The following PDGFC variants were observed in gnomAD, a reference collection of about 807,000 sequenced individuals.
PDGFC encodes the protein platelet-derived growth factor C.
PDGFC carries 12 observed loss-of-function variants against 35.5 expected under a neutral mutation model. The ratio of observed to expected loss-of-function variants is 0.34; its 90% CI spans 0.22 to 0.55. The LOEUF (loss-of-function observed/expected upper bound fraction) is 0.55, where lower values mean the gene tolerates loss of function less well. Ranked by LOEUF, PDGFC falls within the 20% of genes least tolerant of loss-of-function variation. The probability of loss-of-function intolerance (pLI) is 0.91; values close to 1 mark genes in which losing one functional copy is unlikely to be tolerated. For synonymous variants in PDGFC, 159 were observed against 148.8 expected (o/e 1.07, Z -0.50); for missense variants, 322 against 412.4 (o/e 0.78, Z 1.90).
chr4:156,932,503 A>C (rs937240583), intron 1 of PDGFC, among the ~76,000 whole-genome samples: 1 of 152,096 alleles, frequency 6.6e-6, no homozygotes, highest in African/African-American at 2.4e-5. Flanking sequence ...ACCCAAATGT[A>C]CAACAATGAT....
chr4:156,928,266 A>AT (rs989842678), intron 1 of PDGFC, among the ~76,000 whole-genome samples: 20 of 152,012 alleles, frequency 1.3e-4, no homozygotes, highest in Middle Eastern at 3.2e-3. Context: ...CGTCTATGTG[A>AT]TTTTTTTAAG....
intron 2 of PDGFC, among the ~76,000 whole-genome samples, chr4:156,829,071 GAGAAATTT>G (rs1424636988): frequency 1.3e-5 from 2 of 152,106 alleles, no homozygotes. Flanking sequence ...CTTCTATTAT[GAGAAATTT>G]AGAATTTGAG....
intron 2 of PDGFC, among the ~76,000 whole-genome samples, chr4:156,825,593 T>TACTAATAATAATAATAATAAG (rs1732436026): frequency 1.6e-5 from 1 of 62,186 alleles, no homozygotes; most frequent in African/African-American, 7.9e-5. Flanking sequence ...ATAATAATAA[T>TACTAATAATAATAATAATAAG]AAGAAGAAGA....
chr4:156,872,370 T>C (rs1730005952), intron 1 of PDGFC, among the ~76,000 whole-genome samples: 1 of 152,224 alleles, frequency 6.6e-6, no homozygotes, highest in South Asian at 2.1e-4. Flanking sequence ...GAATTTACTT[T>C]TTCTAGCACA....
rs750072439 is a variant in PDGFC at position 156,931,261 on chromosome 4, C to T, written c.118+39525G>A. Among the ~76,000 whole-genome samples, 54 of 152,084 alleles carry T rather than the reference C, an allele frequency of 3.6e-4. 1 individual carries two copies. Among genetic ancestry groups the T allele is most frequent in the Middle Eastern group, 6.8e-3 (2 of 294 alleles). On this transcript the variant is annotated intron_variant, in intron 1 of 5. Coordinates refer to ENST00000502773, the MANE Select transcript of PDGFC (RefSeq NM_016205.3). ...ATTAAAACTTTTTTGGCTTACCTTC[C>T]GAAGGCTAATGTAGAGTTTCTGAAA...
At chr4:156,957,432 T>C (rs978291924) in intron 1 of PDGFC, among the ~76,000 whole-genome samples, 21 of 152,096 alleles carry the variant, frequency 1.4e-4, no homozygotes, top group Admixed American at 7.9e-4. Flanking sequence ...GTCTTCATTT[T>C]TTTCAGTCTC....
At chr4:156,881,856 C>T (rs548553113) in intron 1 of PDGFC, among the ~76,000 whole-genome samples, 1 of 151,110 alleles carries the variant, frequency 6.6e-6, no homozygotes, top group African/African-American at 2.4e-5. Context: ...GCAAGAGTTT[C>T]CTTACATAAG....
intron 1 of PDGFC, among the ~76,000 whole-genome samples, chr4:156,936,934 T>C (rs890082878): frequency 2.0e-5 from 3 of 152,138 alleles, no homozygotes; most frequent in African/African-American, 7.2e-5. Flanking sequence ...TGTGAACAAT[T>C]TGATGAAAAA....
At chr4:156,916,928 A>G (rs1731167454) in intron 1 of PDGFC, among the ~76,000 whole-genome samples, 1 of 152,224 alleles carries the variant, frequency 6.6e-6, no homozygotes, top group African/African-American at 2.4e-5. Context: ...AACTGATACT[A>G]AAGAAGGTAA....
intron 1 of PDGFC, among the ~76,000 whole-genome samples, chr4:156,882,245 C>T (rs948778440): frequency 5.9e-5 from 9 of 152,114 alleles, no homozygotes; most frequent in African/African-American, 2.2e-4. Context: ...CATTACCTAA[C>T]TTTGAATTTT....
chr4:156,882,000 A>C (rs1313573741), intron 1 of PDGFC, among the ~76,000 whole-genome samples: 1 of 151,988 alleles, frequency 6.6e-6, no homozygotes, highest in African/African-American at 2.4e-5. Context: ...TCCTAGTTTC[A>C]GGTATGTCTT....
At chr4:156,841,403 C>T (rs1009538704) in intron 2 of PDGFC, 1 of 156,908 alleles carries the variant, frequency 6.4e-6, no homozygotes, top group Non-Finnish European at 1.4e-5. Flanking sequence ...GTGTTTGCTT[C>T]CCCTTCCACC....
chr4:156,844,907 T>C (rs1189578196), intron 2 of PDGFC, among the ~76,000 whole-genome samples: 2 of 151,912 alleles, frequency 1.3e-5, no homozygotes, highest in Non-Finnish European at 1.5e-5. Flanking sequence ...TCAGAAAAGA[T>C]ACAGATGCTG....
At chr4:156,769,711 A>G (rs1018373491) in intron 4 of PDGFC, among the ~76,000 whole-genome samples, 4 of 152,118 alleles carry the variant, frequency 2.6e-5, no homozygotes, top group Admixed American at 2.0e-4. Flanking sequence ...TATCCCTAAT[A>G]AAAGTAATGA....
At chr4:156,766,139 G>C (rs1730520360) in intron 5 of PDGFC, among the ~76,000 whole-genome samples, 1 of 152,026 alleles carries the variant, frequency 6.6e-6, no homozygotes, top group Non-Finnish European at 1.5e-5. Context: ...AAGAAAAATA[G>C]ACAATAATTT....
intron 1 of PDGFC, among the ~76,000 whole-genome samples, chr4:156,863,219 G>T (rs1729759567): frequency 6.6e-6 from 1 of 152,080 alleles, no homozygotes; most frequent in Non-Finnish European, 1.5e-5. Flanking sequence ...AATTATGTCA[G>T]ACAAACAGAC....
intron 1 of PDGFC, among the ~76,000 whole-genome samples, chr4:156,892,414 T>G (rs2111198078): frequency 6.6e-6 from 1 of 152,322 alleles, no homozygotes; most frequent in Non-Finnish European, 1.5e-5. Context: ...TAGTTAAGAT[T>G]TATTATTTAT....
intron 1 of PDGFC, chr4:156,874,045 T>A (rs796597270): frequency 6.6e-6 from 1 of 152,158 alleles, no homozygotes; most frequent in Non-Finnish European, 1.5e-5. Context: ...CATATGCATA[T>A]ATCATCATGT....
intron 1 of PDGFC, among the ~76,000 whole-genome samples, chr4:156,908,834 C>A (rs936981352): frequency 4.6e-5 from 7 of 152,192 alleles, no homozygotes; most frequent in African/African-American, 1.4e-4. Context: ...TGGAAATAAT[C>A]CAATGTCCAA....
Sources: gnomAD v4.1 joint callset for allele counts (sites outside exome capture counted in the v4.1 genomes callset) on GRCh38, gnomAD v4.1.1 for gene constraint, MANE v1.5 for transcripts, NCBI Gene and HGNC (gene_info 2026-07-23, HGNC 2026-07-21) for gene names.